The following SHROOM4 variants were observed in gnomAD, a reference collection of about 807,000 sequenced individuals.
The protein encoded by SHROOM4 is protein Shroom4.
SHROOM4 carries 17 observed loss-of-function variants against 80.3 expected under a neutral mutation model. The observed-to-expected ratio is 0.21, with a 90% CI of 0.14 to 0.32. The LOEUF is 0.32. Ranked by LOEUF, SHROOM4 falls within the 10% of genes least tolerant of loss-of-function variation. The pLI, the probability that SHROOM4 is intolerant of heterozygous loss-of-function variation, is 1.00. For synonymous variants in SHROOM4, 400 were observed against 437.5 expected (o/e 0.91, Z 1.07); for missense variants, 993 against 1,140.3 (o/e 0.87, Z 1.86).
intron 1 of SHROOM4, among the ~76,000 whole-genome samples, chrX:50,763,808 A>G (rs782356280): frequency 1.8e-5 from 2 of 111,435 alleles, no homozygotes; most frequent in South Asian, 7.6e-4. Flanking sequence ...AGCAGTGACT[A>G]GTAGCTCTCA....
intron 5 of SHROOM4, among the ~76,000 whole-genome samples, chrX:50,626,990 T>C (rs1557253182): frequency 1.8e-5 from 2 of 111,448 alleles, no homozygotes; most frequent in African/African-American, 6.5e-5. Context: ...TGTAATGTAG[T>C]ATAGTGTCCC....
At chrX:50,662,595 TA>T (rs1422336280) in intron 2 of SHROOM4, among the ~76,000 whole-genome samples, 1 of 112,013 alleles carries the variant, frequency 8.9e-6, no homozygotes, top group African/African-American at 3.2e-5. Context: ...AAATAATATT[TA>T]TTAAGCAACT....
At chrX:50,618,303 CCTTCCTTCCTTCCTTCCT>C in intron 5 of SHROOM4, among the ~76,000 whole-genome samples, 1 of 240 alleles carries the variant, frequency 4.2e-3, no homozygotes, top group African/African-American at 0.014. Flanking sequence ...TTCCTTCCTT[CCTTCCTTCCTTCCTTCCT>C]TCCTTCCTTC....
At chrX:50,645,495 T>C (rs7063017) in intron 2 of SHROOM4, among the ~76,000 whole-genome samples, 2,470 of 111,606 alleles carry the variant, frequency 0.022, 72 homozygotes, top group African/African-American at 0.076. Flanking sequence ...AAATTGTGAC[T>C]AGAGGTGCAA....
In SHROOM4 at chrX:50,630,235, C is replaced by G. The variant is rs1190540076; in HGVS notation, c.2896-2560G>C. Reference sequence around the variant, plus strand: ...AGCCGTCATCTCCTCACTTCCCCCGCCCCACTCACCCCCAATCTCAGCCCC... The same window carrying G: ...AGCCGTCATCTCCTCACTTCCCCCGGCCCACTCACCCCCAATCTCAGCCCC... On this transcript the variant is annotated intron_variant, in intron 4 of 8. Transcript: ENST00000376020. Among the ~76,000 whole-genome samples the G allele has an allele frequency of 2.8e-5, 3 of 108,183 alleles. No homozygotes were observed. The Admixed American group carries it at 3.0e-4, about 11-fold the overall frequency. The allele number at this position is 108,183 out of a possible 115,157, so 93.9% of individuals were successfully genotyped here.
chrX:50,673,730 G>C (rs1432223917), intron 2 of SHROOM4, among the ~76,000 whole-genome samples: 3 of 110,501 alleles, frequency 2.7e-5, no homozygotes, highest in Non-Finnish European at 5.7e-5. Context: ...AAAGGAAAGA[G>C]AGAATGGCTA....
At chrX:50,583,044 A>T (rs979413437), downstream of SHROOM4, among the ~76,000 whole-genome samples, 2 of 108,907 alleles carry the variant, frequency 1.8e-5, no homozygotes, top group African/African-American at 6.7e-5. Flanking sequence ...TATAGAACAT[A>T]AGAGATTTTC....
rs1432813160 is a variant in SHROOM4, at chrX:50,618,275, TTCCC to T, written c.2957+9335_2957+9338del. 2.4e-4 allele frequency among the ~76,000 whole-genome samples: 22 copies of T among 92,583 alleles called. No homozygotes were observed. In the Admixed American group the frequency reaches 2.5e-3, roughly 11 times the overall value. 80.4% of individuals were successfully genotyped at this position (92,583 alleles called of 115,157 possible). ...GGTTTCTTTCTTTTCTTCTCTTCTC[TTCCC>T]CTTCCTTCCTTCCTTCCTTCCTTCC... On this transcript the variant is annotated intron_variant, in intron 5 of 8. Transcript: ENST00000376020.
the SHROOM4 span, among the ~76,000 whole-genome samples, chrX:50,578,539 T>C: frequency 9.0e-6 from 1 of 111,539 alleles, no homozygotes; most frequent in South Asian, 3.8e-4. Context: ...TCTCCTGACC[T>C]CATGATCCGC....
intron 2 of SHROOM4, among the ~76,000 whole-genome samples, chrX:50,688,985 A>G (rs1557262476): frequency 9.0e-6 from 1 of 111,512 alleles, no homozygotes; most frequent in East Asian, 2.8e-4. Context: ...AAAAAGCAAA[A>G]AATCTAGTTT....
intron 1 of SHROOM4, among the ~76,000 whole-genome samples, chrX:50,763,362 T>C (rs1323651327): frequency 8.9e-6 from 1 of 111,860 alleles, no homozygotes; most frequent in Non-Finnish European, 1.9e-5. Context: ...CTGTCTGATA[T>C]ATTATCTACC....
chrX:50,678,456 T>C (rs868953549), intron 2 of SHROOM4, among the ~76,000 whole-genome samples: 43 of 111,470 alleles, frequency 3.9e-4, no homozygotes, highest in African/African-American at 1.3e-3. Context: ...ATCTCAGTAT[T>C]TCCTACCCTA....
intron 2 of SHROOM4, among the ~76,000 whole-genome samples, chrX:50,672,431 GAGAAGACAAAAGAATCAGTAC>G (rs1441253421): frequency 9.0e-6 from 1 of 111,408 alleles, no homozygotes; most frequent in Middle Eastern, 4.2e-3. Flanking sequence ...CAGTAGAATG[GAGAAGACAAAAGAATCAGTAC>G]AGTTGAAGAT....
chrX:50,581,798 C>A (rs1191384997), downstream of SHROOM4, among the ~76,000 whole-genome samples: 1 of 111,822 alleles, frequency 8.9e-6, no homozygotes, highest in Non-Finnish European at 1.9e-5. Context: ...CCATGCAAAC[C>A]CCCAGGCCTT....
chrX:50,743,917 G>A (rs139298989), intron 1 of SHROOM4, among the ~76,000 whole-genome samples: 40 of 111,349 alleles, frequency 3.6e-4, no homozygotes, highest in African/African-American at 1.2e-3. Context: ...TTACGACTTC[G>A]AGTATGTCCT....
chrX:50,675,912 C>T (rs147722096), intron 2 of SHROOM4, among the ~76,000 whole-genome samples: 223 of 111,722 alleles, frequency 2.0e-3, no homozygotes, highest in African/African-American at 6.9e-3. Flanking sequence ...CATTTCTCAG[C>T]CATTGCTGCC....
chrX:50,660,545 CCTCT>C (rs1379236606), intron 2 of SHROOM4, among the ~76,000 whole-genome samples: 4 of 40,379 alleles, frequency 9.9e-5, no homozygotes, highest in Non-Finnish European at 1.9e-4. Flanking sequence ...TCCCTCCCTC[CCTCT>C]CTCTCCCTCC....
chrX:50,772,294 TGTACCTTGGTTTTAA>T lies in SHROOM4; in HGVS notation c.117+41593_117+41607del, dbSNP rs782403129. 6.0e-3 allele frequency among the ~76,000 whole-genome samples: 669 copies of T among 111,690 alleles called. 8 individuals carry two copies. Among genetic ancestry groups the T allele is most frequent in the African/African-American group, 0.021 (634 of 30,731 alleles). On this transcript the variant is annotated intron_variant, in intron 1 of 8. Transcript: ENST00000376020. Reference sequence around the variant, plus strand: ...GCTAACATTTACTGAGCAGTTACTATGTACCTTGGTTTTAAGTACACTTATATTTTGATCTCATAA... The same window carrying T: ...GCTAACATTTACTGAGCAGTTACTATGTACACTTATATTTTGATCTCATAA...
At chrX:50,584,540 A>G (rs1928724073), downstream of SHROOM4, among the ~76,000 whole-genome samples, 1 of 112,035 alleles carries the variant, frequency 8.9e-6, no homozygotes, top group Non-Finnish European at 1.9e-5. Flanking sequence ...GTCTACAGAA[A>G]GCAAGAAATG....
Sources: gnomAD v4.1 joint callset for allele counts (sites outside exome capture counted in the v4.1 genomes callset) on GRCh38, gnomAD v4.1.1 for gene constraint, MANE v1.5 for transcripts, NCBI Gene and HGNC (gene_info 2026-07-23, HGNC 2026-07-21) for gene names.